Variants in MRPS23 observed in about 807,000 individuals in gnomAD.
The protein encoded by MRPS23 is small ribosomal subunit protein mS23.
A neutral mutation model predicts 19.8 loss-of-function variants in MRPS23; 14 were observed. That is an observed-to-expected ratio of 0.71 (90% CI 0.47 to 1.11). The LOEUF (loss-of-function observed/expected upper bound fraction) is 1.11. MRPS23 is among the 50% of genes least tolerant of loss of function. MRPS23 has a pLI of 0.00. For synonymous variants in MRPS23, 113 were observed against 89.7 expected (o/e 1.26, Z -1.47); for missense variants, 242 against 236.7 (o/e 1.02, Z -0.15).
rs901296707 is a variant in MRPS23, at chr17:57,835,311, C to T, written c.*4472G>A. ...CCAGGAGAGCACCAGTTCCACGTCA[C>T]CAACTGGGTGTTAGTGATGCTGCTA... On this transcript the variant is annotated 3_prime_UTR_variant, in exon 5 of 5. Transcript: ENST00000313608. 4 of 152,342 alleles carry T rather than the reference C, an allele frequency of 2.6e-5. No homozygotes were observed. The highest frequency in any genetic ancestry group is 1.9e-4 in the East Asian group (1 of 5,186). The allele number at this position is 152,342 out of a possible 1,614,324, so 9.4% of individuals were successfully genotyped here.
rs1324547385 is a variant in MRPS23, at chr17:57,841,266, A to T, written c.216-6T>A. The T allele has an allele frequency of 6.2e-7, 1 of 1,611,922 alleles. No homozygotes were observed. On this transcript the variant is annotated splice_polypyrimidine_tract_variant and splice_region_variant and intron_variant, in intron 2 of 4. Transcript: ENST00000313608. ...CATACACTGAATAAAACTTCCTAGA[A>T]AATGCAAACAACATAATATAAATCT...
At chr17:57,844,810 G>A (rs1025467209) in intron 2 of MRPS23, among the ~76,000 whole-genome samples, 1 of 151,632 alleles carries the variant, frequency 6.6e-6, no homozygotes, top group African/African-American at 2.4e-5. Context: ...TTTAACAAGA[G>A]GGACAAGTAA....
intron 2 of MRPS23, among the ~76,000 whole-genome samples, chr17:57,841,977 TA>T (rs372200746): frequency 0.012 from 1,797 of 151,886 alleles, 41 homozygotes; most frequent in African/African-American, 0.041. Flanking sequence ...AAATAAATAA[TA>T]AAAACTGAGG....
intron 2 of MRPS23, among the ~76,000 whole-genome samples, chr17:57,848,018 T>C (rs998336566): frequency 3.3e-5 from 5 of 151,780 alleles, no homozygotes; most frequent in Non-Finnish European, 5.9e-5. Flanking sequence ...AATTCTTAAA[T>C]AATCATTATC....
intron 2 of MRPS23, 193 bp downstream of exon 2, chr17:57,849,047 G>A (rs1051062637): frequency 4.7e-5 from 31 of 656,060 alleles, no homozygotes; most frequent in East Asian, 5.7e-5. Flanking sequence ...CGGTTGCTGG[G>A]CTCCAGATTC....
chr17:57,846,117 G>C (rs2073771640), intron 2 of MRPS23, among the ~76,000 whole-genome samples: 1 of 151,886 alleles, frequency 6.6e-6, no homozygotes, highest in African/African-American at 2.4e-5. Context: ...ATAAGGTGGG[G>C]GGCAGCCCCC....
intron 2 of MRPS23, among the ~76,000 whole-genome samples, chr17:57,844,663 C>T (rs55908035): frequency 9.7e-4 from 144 of 147,860 alleles, no homozygotes; most frequent in African/African-American, 3.3e-3. Context: ...CCCAGCTACT[C>T]GGGAGGCTGA....
chr17:57,845,052 C>G (rs1209052904), intron 2 of MRPS23, among the ~76,000 whole-genome samples: 1 of 152,034 alleles, frequency 6.6e-6, no homozygotes. Flanking sequence ...TGCATGCCAC[C>G]ACGCCCAGCT....
At chr17:57,841,128 TAAC>T (rs1199199668) in intron 3 of MRPS23, 52 bp downstream of exon 3, 2 of 1,609,344 alleles carry the variant, frequency 1.2e-6, no homozygotes, top group African/African-American at 2.7e-5. Context: ...ATCAAATGGA[TAAC>T]AAAATCCTTA....
rs59289595 is a variant in MRPS23, at chr17:57,838,289, C to CAAAAAAAAAAAAAAAAAAAAAAAAAAA, written c.*1467_*1493dup. The CAAAAAAAAAAAAAAAAAAAAAAAAAAA allele has an allele frequency of 1.7e-4, 5 of 29,416 alleles. No individual in the cohort carries two copies. Among genetic ancestry groups the CAAAAAAAAAAAAAAAAAAAAAAAAAAA allele is most frequent in the African/African-American group, 3.0e-4 (3 of 10,148 alleles). 1.8% of individuals were successfully genotyped at this position (29,416 alleles called of 1,614,324 possible). A position where few individuals can be genotyped will look rare whatever the true frequency, so the allele number is the denominator to read the frequency against. ...TGGGAAACAAAGTGATACTCCATCG[C>CAAAAAAAAAAAAAAAAAAAAAAAAAAA]AAAAAAAAAAAAAAAAAAAAAAAAA... is the stretch of plus-strand genomic sequence containing the variant. On this transcript the variant is annotated 3_prime_UTR_variant, in exon 5 of 5. Coordinates refer to ENST00000313608, the MANE Select transcript of MRPS23 (RefSeq NM_016070.4).
Position 57,839,790 on chromosome 17 carries a change from G to C in MRPS23, c.566C>G (p.Pro189Arg). ...APADQSKGLL[P>R]P ...ACACAGTATACAGGTCCTTCAGGGAGGCAAGAGACCTTTCGACTGGTCTGC... is the reference window on the plus strand; with the variant it reads ...ACACAGTATACAGGTCCTTCAGGGACGCAAGAGACCTTTCGACTGGTCTGC... The change falls in exon 5 of 5, where the codon CCT becomes CGT. Residue 189 changes from proline (P) to arginine (R), a missense_variant. Transcript: ENST00000313608. 1 of 1,614,072 alleles carries C rather than the reference G, an allele frequency of 6.2e-7. No homozygotes were observed. Among genetic ancestry groups the C allele is most frequent in the South Asian group, 1.1e-5 (1 of 91,080 alleles).
intron 1 of MRPS23, 94 bp downstream of exon 1, chr17:57,849,873 C>T (rs1597955331): frequency 6.9e-7 from 1 of 1,446,642 alleles, no homozygotes. Flanking sequence ...ATACGCCTCG[C>T]CCTGCTCAGG....
At chr17:57,849,821 A>T in intron 1 of MRPS23, 146 bp downstream of exon 1, 1 of 940,602 alleles carries the variant, frequency 1.1e-6, no homozygotes, top group Admixed American at 2.9e-5. Flanking sequence ...GCCAGGAGAA[A>T]ACATGAGAGG....
Position 57,839,735 on chromosome 17 carries a change from A to G in MRPS23, c.*48T>C, listed in dbSNP as rs373363874. 48 of 1,584,796 alleles carry G rather than the reference A, an allele frequency of 3.0e-5. No homozygotes were observed. The highest frequency in any genetic ancestry group is 4.0e-5 in the Non-Finnish European group (46 of 1,161,426). ...ACTGTTTAAAAATAGCTCAACATTC[A>G]GCCAGTGAGTAGAGTGTGAATGCCA... On this transcript the variant is annotated 3_prime_UTR_variant, in exon 5 of 5. Transcript: ENST00000313608.
chr17:57,840,616 G>A lies in MRPS23; in HGVS notation c.420+310C>T, dbSNP rs2073734397. On this transcript the variant is annotated intron_variant, in intron 4 of 4. Coordinates refer to ENST00000313608, the MANE Select transcript of MRPS23 (RefSeq NM_016070.4). ...CTCTGCATCTACAGGTTCCACATATGCAGATTCAACAAACCACGGATCAAA... is the reference window on the plus strand; with the variant it reads ...CTCTGCATCTACAGGTTCCACATATACAGATTCAACAAACCACGGATCAAA... Among the ~76,000 whole-genome samples the A allele has an allele frequency of 2.6e-5, 4 of 151,818 alleles. No homozygotes were observed. In the South Asian group the frequency reaches 8.3e-4, roughly 32 times the overall value.
intron 3 of MRPS23, 38 bp from the exon 4 acceptor site, chr17:57,841,090 A>C: frequency 6.2e-7 from 1 of 1,612,384 alleles, no homozygotes; most frequent in Non-Finnish European, 8.5e-7. Context: ...GTATGTTTGT[A>C]AGCATTGTTA....
intron 2 of MRPS23, among the ~76,000 whole-genome samples, chr17:57,841,664 T>C (rs747407443): frequency 1.6e-4 from 25 of 152,218 alleles, no homozygotes; most frequent in Admixed American, 2.0e-4. Context: ...CTTGCCTTTT[T>C]AAAAACTGAG....
At chr17:57,847,619 G>A (rs569501550) in intron 2 of MRPS23, among the ~76,000 whole-genome samples, 17 of 135,722 alleles carry the variant, frequency 1.3e-4, no homozygotes, top group African/African-American at 3.8e-4. Flanking sequence ...CCGAGATTGC[G>A]CCACTGCACT....
rs2073721596 is a variant in MRPS23, at chr17:57,838,619, A to G, written c.*1164T>C. On this transcript the variant is annotated 3_prime_UTR_variant, in exon 5 of 5. Transcript: ENST00000313608. ...TTACTTCCCTACGGAAAAGTAAAGC[A>G]TTCTCCAAATGCAAGCAGTTGTGAA... 6.6e-6 allele frequency: 1 copy of G among 152,264 alleles called. No homozygotes were observed. 9.4% of individuals were successfully genotyped at this position (152,264 alleles called of 1,614,324 possible). A position where few individuals can be genotyped will look rare whatever the true frequency, so the allele number is the denominator to read the frequency against.
Sources: gnomAD v4.1 joint callset for allele counts (sites outside exome capture counted in the v4.1 genomes callset) on GRCh38, gnomAD v4.1.1 for gene constraint, MANE v1.5 for transcripts, NCBI Gene and HGNC (gene_info 2026-07-23, HGNC 2026-07-21) for gene names.